The following LRRC72 variants were observed in gnomAD, a reference collection of about 807,000 sequenced individuals.
LRRC72 encodes the protein leucine-rich repeat-containing protein 72.
A neutral mutation model predicts 35.8 loss-of-function variants in LRRC72; 41 were observed. That is an observed-to-expected ratio of 1.15 (90% CI 0.89 to 1.49). LRRC72 has a LOEUF of 1.49. LRRC72 is among the 40% of genes most tolerant of loss of function. The probability of loss-of-function intolerance (pLI) is 0.00; values close to 1 mark genes in which losing one functional copy is unlikely to be tolerated. For missense variants in LRRC72, 389 were observed against 330.7 expected, an observed-to-expected ratio of 1.18 and a Z score of -1.37; for synonymous variants, 118 against 119.2, an observed-to-expected ratio of 0.99 and a Z score of 0.07.
At chr7:16,576,167 T>C (rs1783036589) in intron 7 of LRRC72, among the ~76,000 whole-genome samples, 1 of 152,218 alleles carries the variant, frequency 6.6e-6, no homozygotes, top group Admixed American at 6.5e-5. Context: ...AACTAAAAAG[T>C]ATTTTTAGCC....
Position 16,557,872 on chromosome 7 carries a change from T to G in LRRC72, c.316+431T>G, listed in dbSNP as rs117608321. ...AAAACTGATCATTTCAAGCCAGTTA[T>G]AAAAGCATGTGGCATACCATGATCA... On this transcript the variant is annotated intron_variant, in intron 4 of 8. Coordinates refer to ENST00000401542, the MANE Select transcript of LRRC72 (RefSeq NM_001195280.2). 4.1e-4 allele frequency among the ~76,000 whole-genome samples: 62 copies of G among 152,272 alleles called. No individual in the cohort carries two copies. In the East Asian group the frequency reaches 0.011, roughly 27 times the overall value.
At chr7:16,573,623 C>A (rs1323502304) in intron 7 of LRRC72, among the ~76,000 whole-genome samples, 1 of 152,142 alleles carries the variant, frequency 6.6e-6, no homozygotes, top group Admixed American at 6.5e-5. Context: ...GAAACTGGAC[C>A]TCTTCCTTAC....
chr7:16,580,029 A>G (rs770805660), intron 7 of LRRC72, 45 bp from the exon 8 acceptor site: 2 of 396,348 alleles, frequency 5.0e-6, no homozygotes, highest in Non-Finnish European at 9.5e-6. Flanking sequence ...TAAATGCTGG[A>G]TAAATATTTT....
chr7:16,558,275 C>T (rs1347411361), intron 4 of LRRC72, among the ~76,000 whole-genome samples: 1 of 152,152 alleles, frequency 6.6e-6, no homozygotes, highest in Non-Finnish European at 1.5e-5. Context: ...AATAACCCCT[C>T]CAAAATCAAT....
At chr7:16,541,805 G>A (rs570128124) in intron 3 of LRRC72, among the ~76,000 whole-genome samples, 21 of 152,312 alleles carry the variant, frequency 1.4e-4, no homozygotes, top group South Asian at 2.1e-4. Context: ...CCAGCTACTC[G>A]CGAAGCAGAG....
At chr7:16,542,238 T>C (rs898853379) in intron 3 of LRRC72, among the ~76,000 whole-genome samples, 1 of 152,184 alleles carries the variant, frequency 6.6e-6, no homozygotes, top group Non-Finnish European at 1.5e-5. Flanking sequence ...CAGATGCACC[T>C]GCGCTTAGAA....
intron 5 of LRRC72, among the ~76,000 whole-genome samples, chr7:16,562,226 C>T (rs998960708): frequency 2.6e-5 from 4 of 152,126 alleles, no homozygotes; most frequent in Non-Finnish European, 5.9e-5. Flanking sequence ...TCCACACCCT[C>T]TCTTTCTAGC....
chr7:16,556,343 A>C (rs190616229), intron 3 of LRRC72, among the ~76,000 whole-genome samples: 27 of 152,270 alleles, frequency 1.8e-4, no homozygotes, highest in Non-Finnish European at 3.4e-4. Context: ...AACACCCAAA[A>C]CTCTAGTGTT....
intron 4 of LRRC72, among the ~76,000 whole-genome samples, chr7:16,558,405 T>G (rs1048122630): frequency 2.0e-5 from 3 of 152,144 alleles, no homozygotes; most frequent in Non-Finnish European, 2.9e-5. Context: ...GGTCGGGAGT[T>G]CGAGACCAGC....
At chr7:16,554,334 T>C (rs1233742845) in intron 3 of LRRC72, among the ~76,000 whole-genome samples, 1 of 152,024 alleles carries the variant, frequency 6.6e-6, no homozygotes, top group East Asian at 1.9e-4. Context: ...CATCTCAAAA[T>C]AAATAAATAA....
intron 7 of LRRC72, among the ~76,000 whole-genome samples, chr7:16,579,724 G>A (rs1398408868): frequency 6.6e-6 from 1 of 152,108 alleles, no homozygotes; most frequent in African/African-American, 2.4e-5. Flanking sequence ...GGAAGAAAAG[G>A]GATAGGTTTC....
intron 1 of LRRC72, chr7:16,530,088 A>G (rs1231769671): frequency 2.6e-5 from 4 of 152,208 alleles, no homozygotes; most frequent in Admixed American, 1.3e-4. Context: ...TTAGATGTCT[A>G]GATATCTGTC....
At chr7:16,568,464 G>T (rs1051899904) in intron 7 of LRRC72, among the ~76,000 whole-genome samples, 4 of 152,112 alleles carry the variant, frequency 2.6e-5, no homozygotes, top group African/African-American at 7.2e-5. Flanking sequence ...AGCAATAGAA[G>T]ATATGAATTA....
chr7:16,578,417 G>A (rs1348044465), intron 7 of LRRC72, among the ~76,000 whole-genome samples: 1 of 152,178 alleles, frequency 6.6e-6, no homozygotes, highest in Non-Finnish European at 1.5e-5. Context: ...AGGTTGCAGT[G>A]AGGCAGAGGT....
intron 7 of LRRC72, among the ~76,000 whole-genome samples, chr7:16,577,588 T>C (rs1783063887): frequency 6.6e-6 from 1 of 152,140 alleles, no homozygotes; most frequent in Non-Finnish European, 1.5e-5. Context: ...GTATGTATCA[T>C]AATAATTAAA....
intron 8 of LRRC72, among the ~76,000 whole-genome samples, 154 bp downstream of exon 8, chr7:16,580,255 A>G (rs780253071): frequency 1.2e-4 from 18 of 152,238 alleles, no homozygotes; most frequent in Non-Finnish European, 1.8e-4. Context: ...TCTGTGATAA[A>G]TGAGTTCAAG....
chr7:16,527,720 G>T (rs970472887), intron 1 of LRRC72, among the ~76,000 whole-genome samples: 1 of 152,150 alleles, frequency 6.6e-6, no homozygotes, highest in Non-Finnish European at 1.5e-5. Flanking sequence ...GTGATTAAAC[G>T]AGGCCGAGAG....
chr7:16,551,265 T>A (rs1405960229), intron 3 of LRRC72, among the ~76,000 whole-genome samples: 1 of 152,232 alleles, frequency 6.6e-6, no homozygotes, highest in Non-Finnish European at 1.5e-5. Context: ...CCATTCTTTA[T>A]ATTGATGACA....
At chr7:16,579,120 T>A (rs1486324326) in intron 7 of LRRC72, among the ~76,000 whole-genome samples, 1 of 152,204 alleles carries the variant, frequency 6.6e-6, no homozygotes, top group African/African-American at 2.4e-5. Context: ...TCTCACCACG[T>A]ATACACAAAA....
Sources: allele counts gnomAD v4.1 joint callset (sites outside exome capture counted in the v4.1 genomes callset), GRCh38; gene constraint gnomAD v4.1.1; transcripts MANE v1.5; gene names NCBI Gene and HGNC (gene_info 2026-07-23, HGNC 2026-07-21).